Variants in HERC6 observed in about 807,000 individuals in gnomAD.
HERC6 encodes HECT and RLD domain containing E3 ubiquitin protein ligase family member 6.
A neutral mutation model predicts 114.5 loss-of-function variants in HERC6; 101 were observed. The observed-to-expected ratio is 0.88, with a 90% confidence interval of 0.75 to 1.04. The LOEUF is 1.04. Ranked by LOEUF, HERC6 falls within the 50% of genes least tolerant of loss-of-function variation. HERC6 has a pLI of 0.00. For missense variants in HERC6, 1,133 were observed against 1,230.9 expected (o/e 0.92, Z 1.19); for synonymous variants, 408 against 436.2 (o/e 0.94, Z 0.81).
chr4:88,441,229 C>T (rs938487468), intron 22 of HERC6, among the ~76,000 whole-genome samples: 4 of 152,258 alleles, frequency 2.6e-5, no homozygotes, highest in African/African-American at 9.6e-5. Context: ...AGTAATATAT[C>T]ATTTAGAAAT....
chr4:88,389,191 T>C (rs1379498628), intron 3 of HERC6, among the ~76,000 whole-genome samples: 2 of 151,172 alleles, frequency 1.3e-5, no homozygotes, highest in Non-Finnish European at 2.9e-5. Flanking sequence ...ACTCCAGGAA[T>C]AGCAAAGGGT....
At chr4:88,396,548 C>G (rs1189084167) in intron 6 of HERC6, among the ~76,000 whole-genome samples, 1 of 151,854 alleles carries the variant, frequency 6.6e-6, no homozygotes, top group Non-Finnish European at 1.5e-5. Context: ...AATATCTACC[C>G]AATGCATTAA....
intron 4 of HERC6, among the ~76,000 whole-genome samples, chr4:88,391,116 C>G (rs1481959206): frequency 6.6e-6 from 1 of 152,180 alleles, no homozygotes; most frequent in Non-Finnish European, 1.5e-5. Context: ...GATTCTGACA[C>G]ACGTCTCACT....
Position 88,442,254 on chromosome 4 carries a change from A to T in HERC6, c.2863A>T (p.Arg955Trp). 6.2e-7 allele frequency: 1 copy of T among 1,611,804 alleles called. No individual in the cohort carries two copies. The highest frequency in any genetic ancestry group is 1.1e-5 in the South Asian group (1 of 90,578). ...KFLFFLTGRD[R>W]LHARGIQKME... Reference sequence around the variant, plus strand: ...TCTAGTTTTCCTTACAGGACGTGATAGGCTGCATGCAAGAGGCATACAGAA... The same window carrying T: ...TCTAGTTTTCCTTACAGGACGTGATTGGCTGCATGCAAGAGGCATACAGAA... Residue 955 changes from arginine to tryptophan, a missense_variant, in exon 23 of 23, where the codon AGG (arginine) becomes TGG (tryptophan). Transcript: ENST00000264346.
Position 88,404,962 on chromosome 4 carries a change from G to GA in HERC6, c.1183dup (p.Arg395LysfsTer5), listed in dbSNP as rs1414622900. 5.0e-6 allele frequency: 8 copies of GA among 1,613,654 alleles called. No individual in the cohort carries two copies. The highest frequency in any genetic ancestry group is 5.9e-6 in the Non-Finnish European group (7 of 1,179,776). ...CCATGGCAGAAAAATGGATAGCAGTGAAAAGAAGAAGTACTGAACATGAAA... is the reference window on the plus strand; with the variant it reads ...CCATGGCAGAAAAATGGATAGCAGTGAAAAAGAAGAAGTACTGAACATGAAA... On this transcript the variant is annotated frameshift_variant, in exon 9 of 23. Coordinates refer to ENST00000264346, the MANE Select transcript of HERC6 (RefSeq NM_017912.4). LOFTEE classifies it high-confidence loss of function.
rs369304625 is a variant in HERC6, at chr4:88,431,281, T to C, written c.2226T>C (p.Gly742=). The C allele has an allele frequency of 1.7e-5, 28 of 1,603,830 alleles. No homozygotes were observed. In the African/African-American group the frequency reaches 3.1e-4, roughly 18 times the overall value. Residue 742 remains glycine, a synonymous_variant, in exon 17 of 23, where the codon GGT becomes GGC. Transcript: ENST00000264346. ...GAATGTTCATGTATCCTGAAATGGG[T>C]TCCTGCATGTGGTTTCCTGCCAAGG... ...EYGMFMYPEM[G]SCMWFPAKPK... is the part of the protein sequence containing the mutation.
chr4:88,379,593 C>T (rs1578360500), intron 1 of HERC6, among the ~76,000 whole-genome samples: 2 of 141,912 alleles, frequency 1.4e-5, no homozygotes, highest in African/African-American at 5.3e-5. Context: ...ACACCTGTAT[C>T]TCCCTTAGAA....
rs531322755 is a variant in HERC6 at position 88,400,387 on chromosome 4, G to T, written c.1092+2178G>T. On this transcript the variant is annotated intron_variant, in intron 8 of 22. Transcript: ENST00000264346. ...CAGCTGGTTTTTTTTTGTAGAGACGGCGTTTCGCCATGTTGCTCAGGCTGG... is the reference window on the plus strand; with the variant it reads ...CAGCTGGTTTTTTTTTGTAGAGACGTCGTTTCGCCATGTTGCTCAGGCTGG... Among the ~76,000 whole-genome samples the T allele has an allele frequency of 2.6e-5, 4 of 152,170 alleles. No homozygotes were observed. In the East Asian group the frequency reaches 7.8e-4, roughly 30 times the overall value.
At chr4:88,401,428 G>A (rs532173710) in intron 8 of HERC6, among the ~76,000 whole-genome samples, 15 of 150,420 alleles carry the variant, frequency 1.0e-4, no homozygotes, top group Middle Eastern at 6.9e-3. Context: ...GGAGGCGAAG[G>A]TTGCAGTGAG....
chr4:88,385,607 T>C, intron 3 of HERC6, 32 bp downstream of exon 3: 1 of 1,191,198 alleles, frequency 8.4e-7, no homozygotes, highest in Admixed American at 3.0e-5. Context: ...TGAGTGTGAG[T>C]AGGAAGTAAT....
At chr4:88,404,805 T>A in intron 8 of HERC6, 71 bp from the exon 9 acceptor site, 1 of 1,567,764 alleles carries the variant, frequency 6.4e-7, no homozygotes, top group African/African-American at 1.4e-5. Flanking sequence ...CCATGCCAGG[T>A]GATTTACTGT....
Position 88,442,579 on chromosome 4 carries a change from G to T in HERC6, c.*119G>T. 1.3e-6 allele frequency: 1 copy of T among 774,872 alleles called. No homozygotes were observed. The highest frequency in any genetic ancestry group is 1.7e-5 in the South Asian group (1 of 57,476). 48.0% of individuals were successfully genotyped at this position (774,872 alleles called of 1,614,324 possible). On this transcript the variant is annotated 3_prime_UTR_variant, in exon 23 of 23. Transcript: ENST00000264346. ...TTAGAAGTAGTTGAGGGAGAGATTG[G>T]GGGAATGGGGAGATGATGATGATGG... is the stretch of plus-strand genomic sequence containing the variant.
intron 13 of HERC6, among the ~76,000 whole-genome samples, chr4:88,419,141 T>A (rs1736789460): frequency 6.6e-6 from 1 of 152,228 alleles, no homozygotes; most frequent in South Asian, 2.1e-4. Flanking sequence ...AAGGGCCCAA[T>A]GGATACTGTT....
In HERC6 at chr4:88,413,306, G is replaced by A. The variant is rs374910484; in HGVS notation, c.1558+40G>A. ...ACTTTATCTGTACTCTCAATATAGA[G>A]TCACTCTCTGAAGTAGACGTTGTAG... is the stretch of plus-strand genomic sequence containing the variant. On this transcript the variant is annotated intron_variant, in intron 12 of 22. Coordinates refer to ENST00000264346, the MANE Select transcript of HERC6 (RefSeq NM_017912.4). The A allele has an allele frequency of 8.1e-6, 12 of 1,487,172 alleles. No individual in the cohort carries two copies. The African/African-American group carries it at 1.4e-4, about 17-fold the overall frequency. The allele number at this position is 1,487,172 out of a possible 1,614,324, so 92.1% of individuals were successfully genotyped here. A position where few individuals can be genotyped will look rare whatever the true frequency, so the allele number is the denominator to read the frequency against.
chr4:88,435,985 T>G (rs1738696838), intron 18 of HERC6, 94 bp downstream of exon 18: 2 of 852,986 alleles, frequency 2.3e-6, no homozygotes, highest in East Asian at 6.0e-5. Flanking sequence ...AGATATGGTC[T>G]TCAATTTCAA....
At position 88,379,092 on chromosome 4, in the gene HERC6, C is replaced by T; in HGVS notation, c.171C>T (p.Arg57=). 1 of 1,545,228 alleles carries T rather than the reference C, an allele frequency of 6.5e-7. No individual in the cohort carries two copies. Among genetic ancestry groups the T allele is most frequent in the Non-Finnish European group, 8.7e-7 (1 of 1,146,650 alleles). ...ACAACAGCAGGGGTCAGCTGGGCCGCAGGGGCGCGCAGCGCGGGGAGCTGC... is the reference window on the plus strand; with the variant it reads ...ACAACAGCAGGGGTCAGCTGGGCCGTAGGGGCGCGCAGCGCGGGGAGCTGC... ...CGDNSRGQLG[R]RGAQRGELPE... is the part of the protein sequence containing the mutation. Residue 57 remains arginine, a synonymous_variant, in exon 1 of 23, where the codon CGC becomes CGT. Transcript: ENST00000264346.
chr4:88,396,767 T>G (rs1167687300), intron 6 of HERC6, 84 bp from the exon 7 acceptor site: 42 of 1,280,630 alleles, frequency 3.3e-5, no homozygotes, highest in Non-Finnish European at 3.9e-5. Flanking sequence ...TTTTTGTGTT[T>G]GTTATTTTGT....
At chr4:88,418,364 A>C (rs922614921) in intron 13 of HERC6, among the ~76,000 whole-genome samples, 1 of 152,162 alleles carries the variant, frequency 6.6e-6, no homozygotes, top group Non-Finnish European at 1.5e-5. Context: ...GAGCCAAAAG[A>C]CCAAAAAATG....
intron 14 of HERC6, among the ~76,000 whole-genome samples, chr4:88,424,388 G>A (rs1737378869): frequency 6.6e-6 from 1 of 152,098 alleles, no homozygotes; most frequent in African/African-American, 2.4e-5. Flanking sequence ...GCTGAGGTGG[G>A]AGGATCACTT....
Sources: gnomAD v4.1 joint callset for allele counts (sites outside exome capture counted in the v4.1 genomes callset) on GRCh38, gnomAD v4.1.1 for gene constraint, MANE v1.5 for transcripts, NCBI Gene and HGNC (gene_info 2026-07-23, HGNC 2026-07-21) for gene names.